Variants in CSMD1 observed in about 807,000 individuals in gnomAD.
CSMD1 encodes the protein CUB and Sushi multiple domains 1.
In CSMD1, 213 loss-of-function variants were observed where a neutral mutation model predicts 417.5. That is an observed-to-expected ratio of 0.51 (90% CI 0.46 to 0.57). CSMD1 has a LOEUF of 0.57. Ranked by LOEUF, CSMD1 falls within the 20% of genes least tolerant of loss-of-function variation. CSMD1 has a pLI of 0.00. For synonymous variants in CSMD1, 2,862 were observed against 1,736.8 expected, an observed-to-expected ratio of 1.65 and a Z score of -16.11; for missense variants, 6,923 against 4,529.7, an observed-to-expected ratio of 1.53 and a Z score of -15.17.
chr8:3,625,790 C>G (rs905583694), intron 7 of CSMD1, among the ~76,000 whole-genome samples: 5 of 152,038 alleles, frequency 3.3e-5, no homozygotes, highest in Non-Finnish European at 7.4e-5. Flanking sequence ...TTCTTACAGT[C>G]TTTATTTATT....
In CSMD1 at chr8:3,795,938, T is replaced by TATAG. The variant is rs1442776412; in HGVS notation, c.819-41900_819-41897dup. Among the ~76,000 whole-genome samples the TATAG allele has an allele frequency of 4.2e-4, 21 of 49,622 alleles. 6 individuals carry two copies. The highest frequency in any genetic ancestry group is 1.8e-3 in the South Asian group (3 of 1,700). 32.6% of individuals were successfully genotyped at this position (49,622 alleles called of 152,430 possible). ...GATATAGATATCTATCATGTACAGA[T>TATAG]ATAGATATCTATCATGTACAGATAT... On this transcript the variant is annotated intron_variant, in intron 5 of 69. Coordinates refer to ENST00000635120, the MANE Select transcript of CSMD1 (RefSeq NM_033225.6).
At chr8:3,384,642 C>CTA (rs1168329141) in intron 18 of CSMD1, among the ~76,000 whole-genome samples, 3 of 135,030 alleles carry the variant, frequency 2.2e-5, no homozygotes, top group Non-Finnish European at 3.1e-5. Context: ...TTATATATTG[C>CTA]TATATACATA....
At chr8:4,131,808 G>T (rs898113712) in intron 3 of CSMD1, among the ~76,000 whole-genome samples, 1 of 124,186 alleles carries the variant, frequency 8.1e-6, no homozygotes, top group East Asian at 2.5e-4. Context: ...TGTCACCCAG[G>T]CTGGACTGCA....
At chr8:4,562,704 A>T (rs907713026) in intron 2 of CSMD1, among the ~76,000 whole-genome samples, 3 of 152,172 alleles carry the variant, frequency 2.0e-5, no homozygotes, top group Admixed American at 2.0e-4. Context: ...CCAGAACACC[A>T]TCAGCCAGAA....
At chr8:4,536,127 G>T (rs917304410) in intron 2 of CSMD1, among the ~76,000 whole-genome samples, 2 of 152,244 alleles carry the variant, frequency 1.3e-5, no homozygotes, top group South Asian at 2.1e-4. Flanking sequence ...ACTTGACAAG[G>T]TTCCTTTCTG....
At chr8:3,347,708 T>C (rs1434999573) in intron 22 of CSMD1, among the ~76,000 whole-genome samples, 1 of 152,142 alleles carries the variant, frequency 6.6e-6, no homozygotes, top group East Asian at 1.9e-4. Context: ...TTGTTACACA[T>C]AAGGAAGCTG....
chr8:4,096,911 A>G (rs373415945), intron 3 of CSMD1, among the ~76,000 whole-genome samples: 163 of 152,306 alleles, frequency 1.1e-3, no homozygotes, highest in African/African-American at 3.8e-3. Flanking sequence ...TCAGTTTTAT[A>G]CATAATTGCA....
At chr8:4,419,225 G>T (rs961211308) in intron 3 of CSMD1, among the ~76,000 whole-genome samples, 1 of 152,140 alleles carries the variant, frequency 6.6e-6, no homozygotes, top group Non-Finnish European at 1.5e-5. Flanking sequence ...GTTACAGACA[G>T]TAGCTCTTGT....
intron 3 of CSMD1, among the ~76,000 whole-genome samples, chr8:4,334,575 A>C (rs1800056515): frequency 6.6e-6 from 1 of 152,124 alleles, no homozygotes; most frequent in South Asian, 2.1e-4. Context: ...TGGATGACAG[A>C]GAGACATCTC....
chr8:4,068,544 T>C (rs530882293), intron 3 of CSMD1, among the ~76,000 whole-genome samples: 6 of 152,318 alleles, frequency 3.9e-5, no homozygotes, highest in East Asian at 1.9e-4. Context: ...AAACATAAAA[T>C]GTATCCTCTG....
intron 2 of CSMD1, among the ~76,000 whole-genome samples, chr8:4,528,104 G>T (rs1254659027): frequency 6.6e-6 from 1 of 152,164 alleles, no homozygotes; most frequent in Non-Finnish European, 1.5e-5. Context: ...TTTGCATTTT[G>T]TGTTCTGGTT....
chr8:4,160,037 G>T (rs1004834822), intron 3 of CSMD1, among the ~76,000 whole-genome samples: 4 of 151,026 alleles, frequency 2.6e-5, no homozygotes, highest in Non-Finnish European at 4.4e-5. Context: ...AATCACCAAA[G>T]AACTTTCATG....
chr8:4,781,982 TTCTCCAGA>T (rs1239830564), intron 1 of CSMD1, among the ~76,000 whole-genome samples: 1 of 152,218 alleles, frequency 6.6e-6, no homozygotes, highest in Non-Finnish European at 1.5e-5. Context: ...CTGACTTCAT[TTCTCCAGA>T]GTTTCCACTC....
intron 1 of CSMD1, among the ~76,000 whole-genome samples, chr8:4,650,347 GAAAAAAAAAAA>G (rs61642390): frequency 3.8e-5 from 3 of 78,254 alleles, no homozygotes; most frequent in Non-Finnish European, 5.1e-5. Context: ...TCCGTCTCAA[GAAAAAAAAAAA>G]AAAAAAAAAA....
At chr8:3,643,784 C>T (rs994821985) in intron 7 of CSMD1, among the ~76,000 whole-genome samples, 4 of 151,382 alleles carry the variant, frequency 2.6e-5, no homozygotes, top group African/African-American at 9.7e-5. Context: ...TGTTCACCCA[C>T]CAGTAATACA....
chr8:4,557,482 A>G (rs1798147483), intron 2 of CSMD1, among the ~76,000 whole-genome samples: 1 of 151,898 alleles, frequency 6.6e-6, no homozygotes, highest in South Asian at 2.1e-4. Flanking sequence ...CATTGATTCT[A>G]TCATTTAAAT....
intron 3 of CSMD1, among the ~76,000 whole-genome samples, chr8:4,272,418 A>G (rs374899335): frequency 2.2e-4 from 33 of 152,342 alleles, no homozygotes; most frequent in Middle Eastern, 3.4e-3. Flanking sequence ...AGGATTACAT[A>G]TATCATACTA....
intron 2 of CSMD1, among the ~76,000 whole-genome samples, chr8:4,532,160 C>T (rs993130955): frequency 3.4e-5 from 5 of 145,730 alleles, no homozygotes; most frequent in African/African-American, 7.7e-5. Context: ...CACAGTCCTC[C>T]AGAAAAGAAA....
chr8:3,611,461 A>G (rs930064950), intron 8 of CSMD1, among the ~76,000 whole-genome samples: 5 of 152,132 alleles, frequency 3.3e-5, no homozygotes, highest in Non-Finnish European at 7.4e-5. Context: ...TAGACCAACT[A>G]TCACTGCTAA....
Sources: gnomAD v4.1 joint callset for allele counts (sites outside exome capture counted in the v4.1 genomes callset) on GRCh38, gnomAD v4.1.1 for gene constraint, MANE v1.5 for transcripts, NCBI Gene and HGNC (gene_info 2026-07-23, HGNC 2026-07-21) for gene names.